LOC128125822: variants seen among roughly 807,000 people sequenced by gnomAD.
chr6:63,577,015 A>C, the LOC128125822 span: 1 of 1,531,996 alleles, frequency 6.5e-7, no homozygotes, highest in Non-Finnish European at 9.0e-7. Context: ...AGTAGCTTAA[A>C]TTGATTGCAA....
the LOC128125822 span, chr6:63,580,033 ATT>A: frequency 0.02 from 26,441 of 1,296,552 alleles, no homozygotes; most frequent in South Asian, 0.022. Flanking sequence ...GCCTTGTTTC[ATT>A]TTTTTTTTTT....
At chr6:63,579,044 A>G in the LOC128125822 span, 1 of 1,556,270 alleles carries the variant, frequency 6.4e-7, no homozygotes. Context: ...TGAATTTATC[A>G]ATTTGATTCT....
the LOC128125822 span, chr6:63,576,956 A>G: frequency 6.2e-7 from 1 of 1,613,940 alleles, no homozygotes; most frequent in Non-Finnish European, 8.5e-7. Flanking sequence ...ACACAATCCA[A>G]CCAATGCGAC....
the LOC128125822 span, chr6:63,580,445 G>A: frequency 3.0e-6 from 1 of 337,714 alleles, no homozygotes; most frequent in Non-Finnish European, 5.6e-6. Flanking sequence ...AAATCATGCA[G>A]TATTGAGTTA....
At chr6:63,579,023 T>C in the LOC128125822 span, 2 of 1,578,950 alleles carry the variant, frequency 1.3e-6, no homozygotes, top group South Asian at 2.4e-5. Context: ...TTGCAGGCCT[T>C]GGGAGGTAAA....
At chr6:63,578,933 C>T in the LOC128125822 span, 1 of 1,596,608 alleles carries the variant, frequency 6.3e-7, no homozygotes, top group South Asian at 1.1e-5. Flanking sequence ...CACCATCCAA[C>T]CAGATTGTTG....
the LOC128125822 span, among the ~76,000 whole-genome samples, chr6:63,574,166 C>T: frequency 6.6e-6 from 1 of 152,190 alleles, no homozygotes; most frequent in Non-Finnish European, 1.5e-5. Flanking sequence ...CAGCATTTTA[C>T]ACATGCTTTC....
chr6:63,577,801 C>T, the LOC128125822 span, among the ~76,000 whole-genome samples: 1 of 151,450 alleles, frequency 6.6e-6, no homozygotes, highest in African/African-American at 2.4e-5. Flanking sequence ...AGCCACCACG[C>T]CTGGCTGGGA....
chr6:63,574,366 A>G, the LOC128125822 span, among the ~76,000 whole-genome samples: 4 of 124,450 alleles, frequency 3.2e-5, no homozygotes, highest in East Asian at 6.5e-4. Flanking sequence ...GATAGGTGGG[A>G]GGGAAAAAAT....
chr6:63,580,948 A>G, the LOC128125822 span: 1 of 152,482 alleles, frequency 6.6e-6, no homozygotes, highest in Non-Finnish European at 1.5e-5. Flanking sequence ...GGAGGGGGCT[A>G]TTAATTATTT....
the LOC128125822 span, chr6:63,580,444 AGTATTGAGTTAT>A: frequency 2.9e-6 from 1 of 342,268 alleles, no homozygotes; most frequent in Non-Finnish European, 5.5e-6. Context: ...CAAATCATGC[AGTATTGAGTTAT>A]GACTTGTTAA....
chr6:63,575,731 A>T, the LOC128125822 span, among the ~76,000 whole-genome samples: 1 of 152,184 alleles, frequency 6.6e-6, no homozygotes, highest in Non-Finnish European at 1.5e-5. Flanking sequence ...TTTTAGATTC[A>T]TAAGCATACA....
the LOC128125822 span, chr6:63,583,587 T>G: frequency 6.6e-6 from 1 of 152,222 alleles, no homozygotes; most frequent in African/African-American, 2.4e-5. Context: ...AGCTACCATT[T>G]ATTAATGATT....
At chr6:63,575,633 A>G in the LOC128125822 span, among the ~76,000 whole-genome samples, 2 of 152,302 alleles carry the variant, frequency 1.3e-5, no homozygotes, top group South Asian at 4.1e-4. Context: ...TTTGAGTTGT[A>G]TATGTGAAAT....
chr6:63,579,141 T>C, the LOC128125822 span: 1 of 1,377,402 alleles, frequency 7.3e-7, no homozygotes, highest in East Asian at 2.5e-5. Flanking sequence ...GTCATAGGTA[T>C]TACTTAAATA....
At chr6:63,572,569 G>T in the LOC128125822 span, 2 of 412,894 alleles carry the variant, frequency 4.8e-6, no homozygotes, top group South Asian at 1.1e-4. Flanking sequence ...AGAGTCTGGT[G>T]CCCCCGCCGC....
At chr6:63,578,836 A>T in the LOC128125822 span, 8 of 1,361,486 alleles carry the variant, frequency 5.9e-6, no homozygotes, top group Non-Finnish European at 7.8e-6. Flanking sequence ...TTAGAAATTT[A>T]GAATTATTAC....
the LOC128125822 span, chr6:63,577,119 A>G: frequency 1.5e-6 from 1 of 678,908 alleles, no homozygotes; most frequent in South Asian, 1.9e-5. Flanking sequence ...AATAAATGTC[A>G]ATGTCTTCTA....
the LOC128125822 span, among the ~76,000 whole-genome samples, chr6:63,573,055 G>C: frequency 6.6e-6 from 1 of 151,970 alleles, no homozygotes; most frequent in Non-Finnish European, 1.5e-5. Context: ...GCAGCGGGCC[G>C]GGTGGGTGGC....
Sources: allele counts gnomAD v4.1 joint callset (sites outside exome capture counted in the v4.1 genomes callset), GRCh38; gene constraint gnomAD v4.1.1; transcripts MANE v1.5.